Variants in MKLN1 observed in about 807,000 individuals in gnomAD.
The protein encoded by MKLN1 is muskelin.
Under a neutral mutation model 99.0 loss-of-function variants are expected in MKLN1, and 18 were observed. That is an observed-to-expected ratio of 0.18 (90% CI 0.13 to 0.27). MKLN1 has a LOEUF of 0.27. MKLN1 is among the 10% of genes least tolerant of loss of function. MKLN1 has a pLI of 1.00. For missense variants in MKLN1, 621 were observed against 875.9 expected, an observed-to-expected ratio of 0.71 and a Z score of 3.67; for synonymous variants, 288 against 293.2, an observed-to-expected ratio of 0.98 and a Z score of 0.18.
intron 8 of MKLN1, among the ~76,000 whole-genome samples, chr7:131,422,465 G>A (rs772566056): frequency 6.6e-6 from 1 of 152,136 alleles, no homozygotes; most frequent in Non-Finnish European, 1.5e-5. Context: ...GCTTGAGGAG[G>A]ATGGCTTGAG....
chr7:131,169,064 C>T (rs1584805020), intron 2 of MKLN1, among the ~76,000 whole-genome samples: 1 of 152,100 alleles, frequency 6.6e-6, no homozygotes, highest in Non-Finnish European at 1.5e-5. Flanking sequence ...ACGGGTTTCA[C>T]CCTATTGGCC....
At chr7:131,422,338 G>A (rs941820419) in intron 8 of MKLN1, among the ~76,000 whole-genome samples, 1 of 152,132 alleles carries the variant, frequency 6.6e-6, no homozygotes, top group African/African-American at 2.4e-5. Context: ...ACTTGAGGCT[G>A]GGAGTTCGAG....
chr7:131,208,016 G>A (rs909854520), intron 3 of MKLN1, among the ~76,000 whole-genome samples: 31 of 152,188 alleles, frequency 2.0e-4, no homozygotes, highest in African/African-American at 7.0e-4. Context: ...GAGGGAGGGG[G>A]GAGATTTCCC....
chr7:131,167,014 C>T (rs576936209), intron 2 of MKLN1, among the ~76,000 whole-genome samples: 1 of 152,050 alleles, frequency 6.6e-6, no homozygotes, highest in South Asian at 2.1e-4. Flanking sequence ...TTTAGAAAGG[C>T]CTTTCCTGAT....
chr7:131,118,163 C>T (rs993698902), intron 1 of MKLN1, among the ~76,000 whole-genome samples: 1 of 152,188 alleles, frequency 6.6e-6, no homozygotes, highest in African/African-American at 2.4e-5. Flanking sequence ...TGCCTTTTCT[C>T]TCTTGCTCCT....
At position 131,282,720 on chromosome 7, in the gene MKLN1, A is replaced by G. The variant is rs372058754; in HGVS notation, c.-179+79746A>G. 3.9e-5 allele frequency among the ~76,000 whole-genome samples: 6 copies of G among 152,174 alleles called. No homozygotes were observed. In the East Asian group the frequency reaches 7.7e-4, roughly 20 times the overall value. ...TCTTTGAAAACATTAATAGAATATA[A>G]CCATGGTTGGTTATCATTTCTCAAA... On this transcript the variant is annotated intron_variant, in intron 3 of 7. Transcript: ENST00000416992.
intron 1 of MKLN1, among the ~76,000 whole-genome samples, chr7:131,116,168 G>T (rs1339740643): frequency 6.6e-6 from 1 of 151,414 alleles, no homozygotes; most frequent in Non-Finnish European, 1.5e-5. Context: ...AGTAGGGCAT[G>T]GTGGTGGGAC....
chr7:131,175,979 C>T (rs1796293458), intron 2 of MKLN1, among the ~76,000 whole-genome samples: 1 of 152,124 alleles, frequency 6.6e-6, no homozygotes, highest in Non-Finnish European at 1.5e-5. Flanking sequence ...ACCCCATTTA[C>T]TCCCAGTTGA....
chr7:131,426,817 C>T (rs408764), intron 8 of MKLN1, among the ~76,000 whole-genome samples: 6 of 151,254 alleles, frequency 4.0e-5, no homozygotes, highest in Non-Finnish European at 7.4e-5. Flanking sequence ...TGCAGTGGTG[C>T]GATCTCAGCT....
At chr7:131,413,310 T>A (rs2116337833) in intron 7 of MKLN1, among the ~76,000 whole-genome samples, 1 of 152,328 alleles carries the variant, frequency 6.6e-6, no homozygotes, top group South Asian at 2.1e-4. Context: ...TATCTTATTT[T>A]CTGTATATAA....
intron 2 of MKLN1, among the ~76,000 whole-genome samples, chr7:131,199,964 C>T (rs1796703702): frequency 6.6e-6 from 1 of 152,168 alleles, no homozygotes; most frequent in African/African-American, 2.4e-5. Flanking sequence ...TCCCAAAGTG[C>T]TGGAATTATA....
chr7:131,150,748 C>T (rs1795877562), intron 2 of MKLN1, among the ~76,000 whole-genome samples: 2 of 152,098 alleles, frequency 1.3e-5, no homozygotes, highest in South Asian at 2.1e-4. Flanking sequence ...CCCATGATTT[C>T]TCTTTAAAGT....
intron 11 of MKLN1, among the ~76,000 whole-genome samples, chr7:131,444,980 T>C (rs1018793405): frequency 6.6e-6 from 1 of 152,034 alleles, no homozygotes; most frequent in Non-Finnish European, 1.5e-5. Context: ...AAAATCCTGC[T>C]TCATAACATT....
At chr7:131,463,825 G>A (rs1030769270) in intron 13 of MKLN1, among the ~76,000 whole-genome samples, 2 of 152,220 alleles carry the variant, frequency 1.3e-5, no homozygotes, top group African/African-American at 4.8e-5. Flanking sequence ...ATCCAGCTCT[G>A]ACATTCTGTG....
chr7:131,170,622 T>C (rs1796201423), intron 2 of MKLN1, among the ~76,000 whole-genome samples: 1 of 152,214 alleles, frequency 6.6e-6, no homozygotes, highest in Non-Finnish European at 1.5e-5. Flanking sequence ...CACATCAGCC[T>C]GTGCTGTAAA....
chr7:131,279,683 G>A (rs550445974), intron 3 of MKLN1, among the ~76,000 whole-genome samples: 22 of 152,220 alleles, frequency 1.4e-4, no homozygotes, highest in Admixed American at 1.0e-3. Flanking sequence ...GTGCACACCT[G>A]TTGTCCCAGC....
At chr7:131,288,369 C>T (rs1241549276) in intron 3 of MKLN1, among the ~76,000 whole-genome samples, 5 of 152,194 alleles carry the variant, frequency 3.3e-5, no homozygotes, top group Non-Finnish European at 5.9e-5. Flanking sequence ...TACTGCTACT[C>T]GACCTTGGGT....
intron 1 of MKLN1, among the ~76,000 whole-genome samples, chr7:131,121,197 AACTC>A (rs759068690): frequency 3.5e-4 from 53 of 152,260 alleles, no homozygotes; most frequent in Non-Finnish European, 2.8e-4. Flanking sequence ...ATCTCGTGAG[AACTC>A]ACTCACTATC....
chr7:131,268,521 T>G (rs1166436421), intron 3 of MKLN1, among the ~76,000 whole-genome samples: 1 of 152,174 alleles, frequency 6.6e-6, no homozygotes, highest in African/African-American at 2.4e-5. Flanking sequence ...ATGCAGTAAT[T>G]CAAGCATATA....
Sources: gnomAD v4.1 joint callset for allele counts (sites outside exome capture counted in the v4.1 genomes callset) on GRCh38, gnomAD v4.1.1 for gene constraint, MANE v1.5 for transcripts, NCBI Gene and HGNC (gene_info 2026-07-23, HGNC 2026-07-21) for gene names.